The following SLC27A4 variants were observed in gnomAD, a reference collection of about 807,000 sequenced individuals.
SLC27A4 encodes the protein solute carrier family 27 member 4, also known as long-chain fatty acid transport protein 4.
Under a neutral mutation model 64.4 loss-of-function variants are expected in SLC27A4, and 33 were observed. The observed-to-expected ratio is 0.51, with a 90% CI of 0.39 to 0.68. The LOEUF (loss-of-function observed/expected upper bound fraction) is 0.68. Among genes scored for constraint, SLC27A4 ranks in the 30% least tolerant of loss-of-function variants. The pLI is 0.00. For missense variants in SLC27A4, 824 were observed against 883.5 expected (o/e 0.93, Z 0.85); for synonymous variants, 377 against 370.0 (o/e 1.02, Z -0.22).
At chr9:128,356,069 G>A (rs541090100) in intron 12 of SLC27A4, among the ~76,000 whole-genome samples, 1 of 152,284 alleles carries the variant, frequency 6.6e-6, no homozygotes, top group Non-Finnish European at 1.5e-5. Flanking sequence ...TTTAGAGCAG[G>A]AGAGAGGCTG....
rs1832772533 is a variant in SLC27A4 at position 128,353,663 on chromosome 9, A to G, written c.1324+122A>G. On this transcript the variant is annotated intron_variant, in intron 9 of 12. Transcript: ENST00000300456. The surrounding 1 kb of genome is among the most constrained non-coding windows in gnomAD (Gnocchi z 4.9). ...CAGTTATCTCTGCTCTTAGGGTTACAAGTTACTCATTTATTTGTGTATCCA... is the reference window on the plus strand; with the variant it reads ...CAGTTATCTCTGCTCTTAGGGTTACGAGTTACTCATTTATTTGTGTATCCA... 1 of 984,100 alleles carries G rather than the reference A, an allele frequency of 1.0e-6. No homozygotes were observed. The highest frequency in any genetic ancestry group is 2.5e-5 in the Admixed American group (1 of 40,420). The allele number at this position is 984,100 out of a possible 1,614,324, so 61.0% of individuals were successfully genotyped here. A position where few individuals can be genotyped will look rare whatever the true frequency, so the allele number is the denominator to read the frequency against.
chr9:128,353,244 G>C lies in SLC27A4; in HGVS notation c.1197+10G>C. ...CAACTTCGACAGCCAGGTGCGGCCA[G>C]GTTGGGGATGGGCGAGGCTGCTGCA... is the stretch of plus-strand genomic sequence containing the variant. On this transcript the variant is annotated intron_variant, in intron 8 of 12. Coordinates refer to ENST00000300456, the MANE Select transcript of SLC27A4 (RefSeq NM_005094.4). This position sits in a 1 kb window ranked among gnomAD's most constrained non-coding sequence, Gnocchi z 4.9. 6.2e-7 allele frequency: 1 copy of C among 1,613,702 alleles called. No individual in the cohort carries two copies. Among genetic ancestry groups the C allele is most frequent in the Non-Finnish European group, 8.5e-7 (1 of 1,179,930 alleles).
intron 2 of SLC27A4, among the ~76,000 whole-genome samples, chr9:128,344,356 A>T (rs1385274791): frequency 6.6e-6 from 1 of 152,088 alleles, no homozygotes; most frequent in East Asian, 1.9e-4. Flanking sequence ...CGTCCCTACC[A>T]AAATACAAAA....
rs113785080 is a variant in SLC27A4, at chr9:128,340,767, C to A, written c.-78C>A. On this transcript the variant is annotated 5_prime_UTR_variant, in exon 1 of 13. Transcript: ENST00000300456. ...CCGTGCGTCCAGGGGCGGCTAATGC[C>A]CCTCACGCTGTCTACGCTGCTGCAA... is the stretch of plus-strand genomic sequence containing the variant. The A allele has an allele frequency of 4.4e-6, 3 of 679,198 alleles. No homozygotes were observed. Among genetic ancestry groups the A allele is most frequent in the East Asian group, 3.0e-5 (1 of 33,254 alleles). The allele number at this position is 679,198 out of a possible 1,614,324, so 42.1% of individuals were successfully genotyped here.
rs963240520 is a variant in SLC27A4, at chr9:128,340,606, C to G, written c.-239C>G. 1 of 261,230 alleles carries G rather than the reference C, an allele frequency of 3.8e-6. No individual in the cohort carries two copies. 16.2% of individuals were successfully genotyped at this position (261,230 alleles called of 1,614,324 possible). On this transcript the variant is annotated 5_prime_UTR_variant, in exon 1 of 13. Transcript: ENST00000300456. ...AAGGTGCGGCAGGCGGTGCTGCGGC[C>G]TGGCACAGCAGGTTTGGGGTGCGGG...
At chr9:128,359,792 G>A (rs1832872439) in intron 12 of SLC27A4, among the ~76,000 whole-genome samples, 1 of 152,152 alleles carries the variant, frequency 6.6e-6, no homozygotes, top group African/African-American at 2.4e-5. Flanking sequence ...GTGATAGAGT[G>A]AGACCCTGTC....
chr9:128,345,841 G>C lies in SLC27A4; in HGVS notation c.556+292G>C, dbSNP rs1055551661. Among the ~76,000 whole-genome samples the C allele has an allele frequency of 1.3e-5, 2 of 152,210 alleles. No individual in the cohort carries two copies. Among genetic ancestry groups the C allele is most frequent in the Admixed American group, 1.3e-4 (2 of 15,284 alleles). Reference sequence around the variant, plus strand: ...CCAGCATGTTGGGAGGCCAAGGCAGGAGGATCCCTTGAGCCCAGGAGTTTG... The same window carrying C: ...CCAGCATGTTGGGAGGCCAAGGCAGCAGGATCCCTTGAGCCCAGGAGTTTG... On this transcript the variant is annotated intron_variant, in intron 3 of 12. Transcript: ENST00000300456. The surrounding 1 kb of genome is among the most constrained non-coding windows in gnomAD (Gnocchi z 4.1).
chr9:128,352,476 C>T (rs1375858732), intron 6 of SLC27A4, among the ~76,000 whole-genome samples, 162 bp from the exon 7 acceptor site: 1 of 152,054 alleles, frequency 6.6e-6, no homozygotes, highest in African/African-American at 2.4e-5. Flanking sequence ...TGATGGAAGC[C>T]GGGGAGGCTT....
intron 12 of SLC27A4, among the ~76,000 whole-genome samples, chr9:128,358,690 G>A (rs1293965529): frequency 1.3e-5 from 2 of 152,104 alleles, no homozygotes; most frequent in African/African-American, 2.4e-5. Flanking sequence ...CAGGTGATCC[G>A]CCCACCCTGG....
chr9:128,358,402 G>A (rs1402011347), intron 12 of SLC27A4, among the ~76,000 whole-genome samples: 1 of 152,226 alleles, frequency 6.6e-6, no homozygotes, highest in African/African-American at 2.4e-5. Context: ...GCTCACGCCT[G>A]TAATCCCAAC....
chr9:128,350,199 A>G, intron 4 of SLC27A4, 113 bp from the exon 5 acceptor site: 1 of 807,920 alleles, frequency 1.2e-6, no homozygotes, highest in Non-Finnish European at 2.1e-6. Flanking sequence ...CTTCCTAGCA[A>G]GGGTGTGATG....
chr9:128,346,235 T>G (rs1177853306), intron 3 of SLC27A4, among the ~76,000 whole-genome samples: 1 of 150,764 alleles, frequency 6.6e-6, no homozygotes, highest in African/African-American at 2.4e-5. Flanking sequence ...TTTTGTTTTT[T>G]TTGTTGTTGT....
rs1030269901 is a variant in SLC27A4 at position 128,355,201 on chromosome 9, A to C, written c.1462+11A>C. On this transcript the variant is annotated intron_variant, in intron 10 of 12. Transcript: ENST00000300456. Reference sequence around the variant, plus strand: ...AGGCCTACCTTACTGGTGGGTCCCCAGCCCTTCACAGCCCCTTCCTGAGGG... The same window carrying C: ...AGGCCTACCTTACTGGTGGGTCCCCCGCCCTTCACAGCCCCTTCCTGAGGG... The C allele has an allele frequency of 1.2e-5, 19 of 1,612,396 alleles. No homozygotes were observed. The highest frequency in any genetic ancestry group is 1.6e-5 in the Non-Finnish European group (19 of 1,179,016).
Position 128,342,682 on chromosome 9 carries a change from G to A in SLC27A4, c.-6-445G>A, listed in dbSNP as rs537916165. ...GGCTGTAATGCAGTTTAATCAGAGTGCCATTTTTTTTTTTGTTCAAATGAT... is the reference window on the plus strand; with the variant it reads ...GGCTGTAATGCAGTTTAATCAGAGTACCATTTTTTTTTTTGTTCAAATGAT... On this transcript the variant is annotated intron_variant, in intron 1 of 12. Transcript: ENST00000300456. 8 of 336,262 alleles carry A rather than the reference G, an allele frequency of 2.4e-5. No individual in the cohort carries two copies. In the East Asian group the frequency reaches 4.6e-4, roughly 19 times the overall value. 20.8% of individuals were successfully genotyped at this position (336,262 alleles called of 1,614,324 possible).
intron 3 of SLC27A4, among the ~76,000 whole-genome samples, chr9:128,346,338 A>G (rs1183988220): frequency 6.6e-6 from 1 of 151,898 alleles, no homozygotes; most frequent in Non-Finnish European, 1.5e-5. Context: ...GGTTCAAGCA[A>G]TTCTCCTGCC....
At position 128,360,729 on chromosome 9, in the gene SLC27A4, C is replaced by G. The variant is rs1832890002; in HGVS notation, c.*238C>G. On this transcript the variant is annotated 3_prime_UTR_variant, in exon 13 of 13. Transcript: ENST00000300456. ...TCTGGGCTGGGCAGGCCCTCTGGTT[C>G]CCAGGCTGAGACTGACGGGTTTTCT... 1 of 551,106 alleles carries G rather than the reference C, an allele frequency of 1.8e-6. No individual in the cohort carries two copies. Among genetic ancestry groups the G allele is most frequent in the Admixed American group, 3.1e-5 (1 of 32,292 alleles). 34.1% of individuals were successfully genotyped at this position (551,106 alleles called of 1,614,324 possible). A position where few individuals can be genotyped will look rare whatever the true frequency, so the allele number is the denominator to read the frequency against.
In SLC27A4 at chr9:128,361,037, C is replaced by T. The variant is rs1351746571; in HGVS notation, c.*546C>T. The T allele has an allele frequency of 5.8e-6, 1 of 172,066 alleles. No individual in the cohort carries two copies. Among genetic ancestry groups the T allele is most frequent in the Admixed American group, 5.5e-5 (1 of 18,178 alleles). The allele number at this position is 172,066 out of a possible 1,614,324, so 10.7% of individuals were successfully genotyped here. A position where few individuals can be genotyped will look rare whatever the true frequency, so the allele number is the denominator to read the frequency against. ...CCCATCTACAGCAGGAGGTCAGGAC[C>T]ACGCCCCTGGCCTCTCCCCACTCCC... is the stretch of plus-strand genomic sequence containing the variant. On this transcript the variant is annotated 3_prime_UTR_variant, in exon 13 of 13. Transcript: ENST00000300456.
At chr9:128,357,829 G>A (rs1280574456) in intron 12 of SLC27A4, among the ~76,000 whole-genome samples, 1 of 152,170 alleles carries the variant, frequency 6.6e-6, no homozygotes, top group Non-Finnish European at 1.5e-5. Context: ...CTTGATGGTG[G>A]GCACTCCCTA....
At chr9:128,352,906 G>A (rs1366370839) in intron 7 of SLC27A4, 119 bp from the exon 8 acceptor site, 16 of 1,105,540 alleles carry the variant, frequency 1.4e-5, no homozygotes, top group Non-Finnish European at 1.9e-5. Flanking sequence ...CTGAGACCCG[G>A]AGAGGGAAAG....
Sources: allele counts gnomAD v4.1 joint callset (sites outside exome capture counted in the v4.1 genomes callset), GRCh38; gene constraint gnomAD v4.1.1; non-coding constraint Gnocchi (gnomAD v3.1); transcripts MANE v1.5; gene names NCBI Gene and HGNC (gene_info 2026-07-23, HGNC 2026-07-21).